Variants in MYO18B observed in about 807,000 individuals in gnomAD.
MYO18B encodes the protein myosin XVIIIB, also known as unconventional myosin-XVIIIb.
In MYO18B, 204 loss-of-function variants were observed where a neutral mutation model predicts 273.0. That is an observed-to-expected ratio of 0.75 (90% CI 0.67 to 0.84). MYO18B has a LOEUF of 0.84. Ranked by LOEUF, MYO18B falls within the 40% of genes least tolerant of loss-of-function variation. The probability of loss-of-function intolerance (pLI) is 0.00; values close to 1 mark genes in which losing one functional copy is unlikely to be tolerated. For missense variants in MYO18B, 3,212 were observed against 3,287.6 expected (o/e 0.98, Z 0.56); for synonymous variants, 1,330 against 1,305.7 (o/e 1.02, Z -0.40).
At chr22:25,861,362 A>G (rs1419165666) in intron 21 of MYO18B, among the ~76,000 whole-genome samples, 1 of 152,148 alleles carries the variant, frequency 6.6e-6, no homozygotes, top group Non-Finnish European at 1.5e-5. Flanking sequence ...TTCTGGATGG[A>G]TTAACCCTTT....
At chr22:25,824,214 G>A (rs914004393) in intron 13 of MYO18B, among the ~76,000 whole-genome samples, 1 of 152,182 alleles carries the variant, frequency 6.6e-6, no homozygotes, top group Non-Finnish European at 1.5e-5. Context: ...CAGCCTGGAT[G>A]AAGGTTGGGG....
intron 12 of MYO18B, among the ~76,000 whole-genome samples, chr22:25,817,168 T>C (rs1294225654): frequency 2.6e-5 from 4 of 152,190 alleles, no homozygotes; most frequent in Non-Finnish European, 4.4e-5. Context: ...GTTTCATTAC[T>C]TTCCCTTGTT....
At chr22:25,746,256 T>A (rs2085775486) in intron 1 of MYO18B, among the ~76,000 whole-genome samples, 1 of 152,192 alleles carries the variant, frequency 6.6e-6, no homozygotes, top group Non-Finnish European at 1.5e-5. Context: ...AGTGACTTGC[T>A]TTTCTGCTTG....
chr22:25,849,952 T>C (rs2090374460), intron 20 of MYO18B, among the ~76,000 whole-genome samples: 1 of 152,162 alleles, frequency 6.6e-6, no homozygotes, highest in Non-Finnish European at 1.5e-5. Flanking sequence ...AGTGAAGAAA[T>C]TGAATCTCAG....
intron 40 of MYO18B, among the ~76,000 whole-genome samples, chr22:25,997,958 AACAC>A (rs993922964): frequency 4.7e-5 from 5 of 105,704 alleles, no homozygotes; most frequent in East Asian, 2.3e-4. Context: ...CACACACACA[AACAC>A]ACACACACAC....
At position 25,844,176 on chromosome 22, in the gene MYO18B, T is replaced by C. The variant is rs187819541; in HGVS notation, c.3368+282T>C. ...TTTTGGCACTTTGCCTTTCATTAAG[T>C]ATCTGAGAGATGATGTGACTGGAAC... is the stretch of plus-strand genomic sequence containing the variant. On this transcript the variant is annotated intron_variant, in intron 18 of 43. Transcript: ENST00000335473. Among the ~76,000 whole-genome samples the C allele has an allele frequency of 2.6e-5, 4 of 152,348 alleles. No individual in the cohort carries two copies. In the East Asian group the frequency reaches 7.7e-4, roughly 29 times the overall value.
chr22:25,905,722 T>C (rs1196493522), intron 31 of MYO18B, among the ~76,000 whole-genome samples: 2 of 152,222 alleles, frequency 1.3e-5, no homozygotes, highest in Non-Finnish European at 2.9e-5. Context: ...AGCCCCTGTT[T>C]TCTCCAGACA....
chr22:26,024,880 A>G (rs1441624994), intron 42 of MYO18B, among the ~76,000 whole-genome samples: 1 of 152,182 alleles, frequency 6.6e-6, no homozygotes, highest in African/African-American at 2.4e-5. Context: ...ACAGAAATGT[A>G]TTTCTCATAG....
intron 11 of MYO18B, among the ~76,000 whole-genome samples, chr22:25,791,004 G>A (rs994133024): frequency 4.6e-5 from 7 of 152,176 alleles, no homozygotes; most frequent in Admixed American, 2.6e-4. Context: ...GGGGATGGTC[G>A]CTAGAAGCTC....
rs764821770 is a variant in MYO18B, at chr22:26,026,721, C to G, written c.6747C>G (p.Ala2249=). 13 of 1,613,594 alleles carry G rather than the reference C, an allele frequency of 8.1e-6. No individual in the cohort carries two copies. Among genetic ancestry groups the G allele is most frequent in the Non-Finnish European group, 1.1e-5 (13 of 1,179,814 alleles). The change falls in exon 43 of 44, where the codon GCC becomes GCG. Residue 2249 remains alanine (A), a synonymous_variant. Transcript: ENST00000335473. ...AAAAGCTGCCCAGTCCTTCAGCGGCCCTCTCGGAGTTCGTGGAAGGGCTCC... is the reference window on the plus strand; with the variant it reads ...AAAAGCTGCCCAGTCCTTCAGCGGCGCTCTCGGAGTTCGTGGAAGGGCTCC... ...SREKLPSPSA[A]LSEFVEGLRR... is the part of the protein sequence containing the mutation.
chr22:25,823,538 C>T lies in MYO18B; in HGVS notation c.2555C>T (p.Ala852Val), dbSNP rs2089365515. The change falls in exon 13 of 44, where the codon GCA becomes GTA. Residue 852 changes from alanine to valine, a missense_variant. Ala to Val is a moderately conservative substitution (Grantham distance 64). Coordinates refer to ENST00000335473, the MANE Select transcript of MYO18B (RefSeq NM_032608.7). ...GRKQFMRFEW[A>V]NYAAEALGCE... ...AAGCAGTTCATGAGGTTTGAGTGGG[C>T]AAACTACGCAGCTGAGGCCCTGGGC... 1.9e-6 allele frequency: 3 copies of T among 1,613,948 alleles called. No individual in the cohort carries two copies.
Position 25,850,009 on chromosome 22 carries a change from C to T in MYO18B, c.3776-1461C>T, listed in dbSNP as rs553063065. Among the ~76,000 whole-genome samples, 25 of 152,228 alleles carry T rather than the reference C, an allele frequency of 1.6e-4. No homozygotes were observed. The South Asian group carries it at 4.8e-3, about 29-fold the overall frequency. On this transcript the variant is annotated intron_variant, in intron 20 of 43. Transcript: ENST00000335473. Reference sequence around the variant, plus strand: ...GTCATGGGGCTCATAAGCACAGAGACGGGACATGAATGCAGATAGGTGTGC... The same window carrying T: ...GTCATGGGGCTCATAAGCACAGAGATGGGACATGAATGCAGATAGGTGTGC...
chr22:25,864,189 A>C (rs1463325190), intron 21 of MYO18B, among the ~76,000 whole-genome samples: 1 of 152,170 alleles, frequency 6.6e-6, no homozygotes, highest in African/African-American at 2.4e-5. Context: ...GTGGGTGGTG[A>C]GTGGGAGAAC....
intron 27 of MYO18B, among the ~76,000 whole-genome samples, chr22:25,894,484 C>G (rs990074161): frequency 1.3e-5 from 2 of 152,202 alleles, no homozygotes; most frequent in Non-Finnish European, 2.9e-5. Flanking sequence ...CCATTCTAAT[C>G]AGTCAAACAG....
chr22:25,799,112 C>A (rs2088062868), intron 12 of MYO18B, among the ~76,000 whole-genome samples: 1 of 138,396 alleles, frequency 7.2e-6, no homozygotes. Context: ...ACTGTTATCA[C>A]CTTATGCGGT....
At chr22:26,006,410 G>T in intron 42 of MYO18B, 1 of 254,530 alleles carries the variant, frequency 3.9e-6, no homozygotes, top group Non-Finnish European at 8.3e-6. Context: ...ATGGCCTGTT[G>T]AAAAGTTTTA....
chr22:25,780,201 G>C lies in MYO18B; in HGVS notation c.2211+3G>C. 1 of 1,601,020 alleles carries C rather than the reference G, an allele frequency of 6.2e-7. No homozygotes were observed. The highest frequency in any genetic ancestry group is 8.5e-7 in the Non-Finnish European group (1 of 1,175,624). Reference sequence around the variant, plus strand: ...GCATCACAGCTGCTCAGCTCCAGGTGAGGCCTCTCGGGGGATGTGCAAGGG... The same window carrying C: ...GCATCACAGCTGCTCAGCTCCAGGTCAGGCCTCTCGGGGGATGTGCAAGGG... On this transcript the variant is annotated splice_donor_region_variant and intron_variant, in intron 9 of 43. Transcript: ENST00000335473.
chr22:25,756,845 T>G (rs541164158), intron 1 of MYO18B, among the ~76,000 whole-genome samples: 5 of 151,908 alleles, frequency 3.3e-5, no homozygotes, highest in Non-Finnish European at 2.9e-5. Context: ...TGGATCACTT[T>G]AGGCCAGGAG....
intron 39 of MYO18B, among the ~76,000 whole-genome samples, chr22:25,984,326 C>CT (rs2093178711): frequency 6.6e-6 from 1 of 152,196 alleles, no homozygotes; most frequent in African/African-American, 2.4e-5. Flanking sequence ...ATCTCTCCCT[C>CT]TCCCCACTCA....
Sources: allele counts gnomAD v4.1 joint callset (sites outside exome capture counted in the v4.1 genomes callset), GRCh38; gene constraint gnomAD v4.1.1; transcripts MANE v1.5; gene names NCBI Gene and HGNC (gene_info 2026-07-23, HGNC 2026-07-21).